Variants in DAP observed in about 807,000 individuals in gnomAD.
The protein encoded by DAP is death-associated protein 1.
A neutral mutation model predicts 13.8 loss-of-function variants in DAP; 8 were observed. The observed-to-expected ratio is 0.58, with a 90% CI of 0.34 to 1.05. The LOEUF (loss-of-function observed/expected upper bound fraction) is 1.05. Among genes scored for constraint, DAP ranks in the 50% least tolerant of loss-of-function variants. DAP has a pLI of 0.03. For synonymous variants in DAP, 47 were observed against 47.5 expected (o/e 0.99, Z 0.04); for missense variants, 106 against 133.2 (o/e 0.80, Z 1.01).
At chr5:10,758,875 G>A (rs1165855127) in intron 1 of DAP, among the ~76,000 whole-genome samples, 1 of 152,170 alleles carries the variant, frequency 6.6e-6, no homozygotes, top group African/African-American at 2.4e-5. Flanking sequence ...GTCCAGCAAG[G>A]AATTTCTCCC....
intron 2 of DAP, among the ~76,000 whole-genome samples, chr5:10,710,987 G>C (rs1042624844): frequency 4.6e-5 from 7 of 152,202 alleles, no homozygotes; most frequent in Admixed American, 3.9e-4. Flanking sequence ...AGTGTGTTGT[G>C]TGAGGACAGA....
At chr5:10,757,554 G>C (rs1279533368) in intron 1 of DAP, among the ~76,000 whole-genome samples, 1 of 152,180 alleles carries the variant, frequency 6.6e-6, no homozygotes, top group Non-Finnish European at 1.5e-5. Context: ...GATTATAGGC[G>C]TGAGCCACGA....
At chr5:10,724,299 G>A (rs1036945698) in intron 2 of DAP, among the ~76,000 whole-genome samples, 2 of 152,206 alleles carry the variant, frequency 1.3e-5, no homozygotes, top group Non-Finnish European at 2.9e-5. Context: ...AGTCTAGCAA[G>A]GTTCCACCTC....
intron 2 of DAP, among the ~76,000 whole-genome samples, chr5:10,688,966 T>C (rs374680699): frequency 3.3e-5 from 5 of 152,154 alleles, no homozygotes; most frequent in African/African-American, 1.2e-4. Flanking sequence ...ACTGGTCCCC[T>C]GTGTGCACTG....
chr5:10,752,470 C>G (rs1355268087), intron 1 of DAP, among the ~76,000 whole-genome samples: 2 of 152,130 alleles, frequency 1.3e-5, no homozygotes, highest in African/African-American at 4.8e-5. Flanking sequence ...ATTTGCAAAT[C>G]AGTATTTTTA....
chr5:10,723,774 C>A (rs1739216667), intron 2 of DAP, among the ~76,000 whole-genome samples: 1 of 152,160 alleles, frequency 6.6e-6, no homozygotes, highest in Admixed American at 6.5e-5. Context: ...TCTGAGTTGG[C>A]CCTACATGTT....
intron 2 of DAP, among the ~76,000 whole-genome samples, chr5:10,730,151 C>CT (rs1739401194): frequency 6.6e-6 from 1 of 152,226 alleles, no homozygotes; most frequent in Non-Finnish European, 1.5e-5. Context: ...TGCTTATCAT[C>CT]TGTTGTTCCC....
chr5:10,681,032 G>A lies in DAP; in HGVS notation c.*24C>T. On this transcript the variant is annotated 3_prime_UTR_variant, in exon 4 of 4. Transcript: ENST00000230895. The stretch of plus-strand genomic sequence containing the variant: ...CCAAGTGCAGCAGAGCCGGGGCCAT[G>A]GGGCAGGCTGGTGGACTCCAGGCTC... The A allele has an allele frequency of 6.4e-7, 1 of 1,574,100 alleles. No homozygotes were observed. The highest frequency in any genetic ancestry group is 1.2e-5 in the South Asian group (1 of 86,066).
chr5:10,747,000 T>A (rs1226360819), intron 2 of DAP, among the ~76,000 whole-genome samples: 1 of 152,234 alleles, frequency 6.6e-6, no homozygotes, highest in Non-Finnish European at 1.5e-5. Flanking sequence ...ATGGGCAAGC[T>A]GATATCCTCT....
chr5:10,709,009 T>TA (rs1738774288), intron 2 of DAP, among the ~76,000 whole-genome samples: 1 of 152,260 alleles, frequency 6.6e-6, no homozygotes, highest in South Asian at 2.1e-4. Flanking sequence ...AAATAATTGA[T>TA]ACGTTCATTA....
chr5:10,738,929 G>A (rs1739683500), intron 2 of DAP, among the ~76,000 whole-genome samples: 1 of 152,164 alleles, frequency 6.6e-6, no homozygotes, highest in Non-Finnish European at 1.5e-5. Flanking sequence ...AGGGCTGGGT[G>A]CAGTGGCTCA....
intron 1 of DAP, among the ~76,000 whole-genome samples, chr5:10,754,200 G>T (rs536780765): frequency 6.6e-6 from 1 of 152,162 alleles, no homozygotes; most frequent in African/African-American, 2.4e-5. Flanking sequence ...GGTGAGAGGC[G>T]GTAAGAACGT....
intron 2 of DAP, among the ~76,000 whole-genome samples, chr5:10,703,715 G>A (rs531824460): frequency 1.3e-5 from 2 of 152,310 alleles, no homozygotes; most frequent in South Asian, 4.1e-4. Flanking sequence ...TGCTGGCTTT[G>A]GCAGTAGCTA....
chr5:10,686,822 C>T (rs1195532518), intron 2 of DAP, among the ~76,000 whole-genome samples: 1 of 152,188 alleles, frequency 6.6e-6, no homozygotes, highest in South Asian at 2.1e-4. Context: ...AAAGTGGCCA[C>T]ACTAAACAAC....
At chr5:10,736,968 C>T (rs1739627025) in intron 2 of DAP, among the ~76,000 whole-genome samples, 2 of 152,240 alleles carry the variant, frequency 1.3e-5, no homozygotes, top group African/African-American at 4.8e-5. Context: ...CAGTGCAGGG[C>T]TCTGTGGCCC....
intron 3 of DAP, chr5:10,683,294 A>G: frequency 1.7e-6 from 1 of 596,034 alleles, no homozygotes; most frequent in Non-Finnish European, 3.0e-6. Flanking sequence ...CTTAAGTCAC[A>G]ATGTTGGGTC....
chr5:10,690,285 C>A (rs1452946051), intron 2 of DAP, among the ~76,000 whole-genome samples: 1 of 152,188 alleles, frequency 6.6e-6, no homozygotes, highest in Non-Finnish European at 1.5e-5. Flanking sequence ...CTTCTAACTT[C>A]GCTTTGAAAC....
At chr5:10,699,964 C>T (rs1160312501) in intron 2 of DAP, among the ~76,000 whole-genome samples, 1 of 152,220 alleles carries the variant, frequency 6.6e-6, no homozygotes, top group African/African-American at 2.4e-5. Context: ...AGTGAGGAGG[C>T]AGATGCTGGA....
intron 2 of DAP, among the ~76,000 whole-genome samples, chr5:10,744,604 A>G (rs762175949): frequency 3.9e-5 from 6 of 152,200 alleles, no homozygotes; most frequent in South Asian, 4.1e-4. Context: ...CTTACGTGAC[A>G]TATCAGGGGC....
Sources: gnomAD v4.1 joint callset for allele counts (sites outside exome capture counted in the v4.1 genomes callset) on GRCh38, gnomAD v4.1.1 for gene constraint, MANE v1.5 for transcripts, NCBI Gene and HGNC (gene_info 2026-07-23, HGNC 2026-07-21) for gene names.